DCAF1: variants seen among roughly 807,000 people sequenced by gnomAD.
DCAF1 encodes DDB1- and CUL4-associated factor 1.
A neutral mutation model predicts 128.0 loss-of-function variants in DCAF1; 15 were observed. The observed-to-expected ratio is 0.12, with a 90% CI of 0.08 to 0.18. The LOEUF is 0.18. Ranked by LOEUF, DCAF1 falls within the 10% of genes least tolerant of loss-of-function variation. DCAF1 has a pLI of 1.00. For missense variants in DCAF1, 988 were observed against 1,649.5 expected, an observed-to-expected ratio of 0.60 and a Z score of 6.95; for synonymous variants, 610 against 603.0, an observed-to-expected ratio of 1.01 and a Z score of -0.17.
intron 9 of DCAF1, chr3:51,437,367 G>C (rs1700946706): frequency 2.9e-6 from 1 of 343,620 alleles, no homozygotes; most frequent in African/African-American, 9.5e-5. Context: ...GAACATGGGA[G>C]GGCAAGTAAG....
At chr3:51,409,000 G>A (rs1553627578) in intron 23 of DCAF1, among the ~76,000 whole-genome samples, 1 of 152,164 alleles carries the variant, frequency 6.6e-6, no homozygotes, top group East Asian at 1.9e-4. Flanking sequence ...CTGGGCTCCA[G>A]AGCCACTCCT....
intron 2 of DCAF1, among the ~76,000 whole-genome samples, chr3:51,487,539 T>C (rs536343375): frequency 3.3e-4 from 51 of 152,378 alleles, no homozygotes; most frequent in Middle Eastern, 3.4e-3. Context: ...GTCTATCTAC[T>C]GTCCTCTGGT....
At chr3:51,466,042 T>A (rs1553646346) in intron 5 of DCAF1, among the ~76,000 whole-genome samples, 2 of 151,168 alleles carry the variant, frequency 1.3e-5, no homozygotes, top group Non-Finnish European at 2.9e-5. Context: ...CTACTAAACA[T>A]ACAAAAAAAT....
chr3:51,397,540 A>C (rs1186869658), downstream of DCAF1: 1 of 167,094 alleles, frequency 6.0e-6, no homozygotes, highest in African/African-American at 2.4e-5. Flanking sequence ...AGTTCTACCA[A>C]ATCTGTACTT....
rs1553634994 is a variant in DCAF1, at chr3:51,429,431, C to T, written c.1507G>A (p.Ala503Thr). Residue 503 changes from alanine (A) to threonine (T), a missense_variant, in exon 12 of 25, where the codon GCA becomes ACA. Coordinates refer to ENST00000684031, the MANE Select transcript of DCAF1 (RefSeq NM_001387579.1). The stretch of plus-strand genomic sequence containing the variant: ...AATATTTCATCATCACTCAGAAGTG[C>T]ACCCTGATCTTCCAAATTTAGAATC... ...LEILNLEDQG[A>T]LLSDDEIFAS... 1.3e-6 allele frequency: 1 copy of T among 780,870 alleles called. No homozygotes were observed. The highest frequency in any genetic ancestry group is 1.3e-5 in the South Asian group (1 of 74,624). The allele number at this position is 780,870 out of a possible 1,614,324, so 48.4% of individuals were successfully genotyped here.
chr3:51,420,154 G>A lies in DCAF1; in HGVS notation c.2816C>T (p.Pro939Leu), dbSNP rs562046576. 2.8e-5 allele frequency: 45 copies of A among 1,614,026 alleles called. 1 individual carries two copies. In the African/African-American group the frequency reaches 3.2e-4, roughly 11 times the overall value. The change falls in exon 15 of 25, where the codon CCG (proline) becomes CTG (leucine). Residue 939 changes from proline to leucine, a missense_variant. This residue lies in a region of DCAF1 where 88 missense variants were observed against 107.7 expected (regional missense o/e 0.82). Transcript: ENST00000684031. This position sits in a 1 kb window ranked among gnomAD's most constrained non-coding sequence, Gnocchi z 6.5. Reference protein sequence around the residue: ...AHPQPRPPQGPLALPGPSYAG... With the variant: ...AHPQPRPPQGLLALPGPSYAG... ...ATAAGATGGGCCGGGCAGAGCTAGCGGACCCTGGGGGGGCCGTGGCTGAGG... is the reference window on the plus strand; with the variant it reads ...ATAAGATGGGCCGGGCAGAGCTAGCAGACCCTGGGGGGGCCGTGGCTGAGG...
At chr3:51,498,395 G>A (rs547240366) in intron 1 of DCAF1, among the ~76,000 whole-genome samples, 1 of 148,534 alleles carries the variant, frequency 6.7e-6, no homozygotes, top group Non-Finnish European at 1.5e-5. Context: ...AAAAAAAAGA[G>A]TTATCACACC....
intron 3 of DCAF1, among the ~76,000 whole-genome samples, chr3:51,472,335 C>T (rs140191237): frequency 6.6e-6 from 1 of 152,320 alleles, no homozygotes; most frequent in African/African-American, 2.4e-5. Context: ...AACCGTTCAT[C>T]TGCTTTCTCT....
At position 51,445,987 on chromosome 3, in the gene DCAF1, TTC is replaced by T. The variant is rs1553640142; in HGVS notation, c.376-2086_376-2085del. Among the ~76,000 whole-genome samples, 5 of 149,136 alleles carry T rather than the reference TTC, an allele frequency of 3.4e-5. No individual in the cohort carries two copies. In the South Asian group the frequency reaches 1.1e-3, roughly 32 times the overall value. On this transcript the variant is annotated intron_variant, in intron 6 of 24. Coordinates refer to ENST00000684031, the MANE Select transcript of DCAF1 (RefSeq NM_001387579.1). ...GCCAGTGTCTTTTGCTAAACCTAAG[TTC>T]TTTTTTTTTTTTTTTTTTTTTCCAG... is the stretch of plus-strand genomic sequence containing the variant.
intron 6 of DCAF1, among the ~76,000 whole-genome samples, chr3:51,449,271 A>T (rs1702144850): frequency 6.6e-6 from 1 of 152,140 alleles, no homozygotes; most frequent in Non-Finnish European, 1.5e-5. Flanking sequence ...GCAATGGCAC[A>T]ATCTTGGCTC....
At chr3:51,439,733 T>C (rs953298744) in intron 9 of DCAF1, among the ~76,000 whole-genome samples, 2 of 152,232 alleles carry the variant, frequency 1.3e-5, no homozygotes, top group Non-Finnish European at 2.9e-5. Context: ...GGCTCACTCC[T>C]GTAATCCCTA....
intron 23 of DCAF1, among the ~76,000 whole-genome samples, chr3:51,409,221 G>A (rs375688094): frequency 3.7e-4 from 57 of 152,330 alleles, no homozygotes; most frequent in African/African-American, 1.3e-3. Flanking sequence ...GAGAGAGTGG[G>A]ATAAGAGGAG....
At chr3:51,425,300 G>A (rs377568793) in intron 13 of DCAF1, among the ~76,000 whole-genome samples, 4 of 151,816 alleles carry the variant, frequency 2.6e-5, no homozygotes, top group African/African-American at 7.3e-5. Flanking sequence ...GCAAAACCCC[G>A]TCTCTACTAA....
At chr3:51,470,862 C>T (rs1704655261) in intron 4 of DCAF1, 67 bp downstream of exon 4, 4 of 1,185,646 alleles carry the variant, frequency 3.4e-6, no homozygotes, top group Non-Finnish European at 4.7e-6. Context: ...AAAAAAAAGA[C>T]CCTCGCTTTA....
At chr3:51,448,918 T>G (rs1386466705) in intron 6 of DCAF1, among the ~76,000 whole-genome samples, 1 of 149,232 alleles carries the variant, frequency 6.7e-6, no homozygotes, top group Non-Finnish European at 1.5e-5. Context: ...TTCTTTTATG[T>G]TTTTTTTTTC....
intron 5 of DCAF1, among the ~76,000 whole-genome samples, chr3:51,464,044 G>A (rs1577233347): frequency 1.3e-5 from 2 of 151,852 alleles, no homozygotes; most frequent in Non-Finnish European, 2.9e-5. Context: ...TAGTAGAGAC[G>A]GGGCCTCATT....
chr3:51,464,764 C>T (rs755334783), intron 5 of DCAF1, among the ~76,000 whole-genome samples: 1 of 151,788 alleles, frequency 6.6e-6, no homozygotes, highest in Admixed American at 6.6e-5. Flanking sequence ...ACCGAAGCCC[C>T]TAGGAGGGCA....
At chr3:51,413,578 T>C (rs1375363115) in intron 20 of DCAF1, among the ~76,000 whole-genome samples, 192 bp from the exon 21 acceptor site, 1 of 152,226 alleles carries the variant, frequency 6.6e-6, no homozygotes, top group Admixed American at 6.5e-5. Context: ...ATCCCACCTA[T>C]TGTGACAAAT....
intron 6 of DCAF1, among the ~76,000 whole-genome samples, chr3:51,446,976 A>AATAATAATAATG (rs1425752342): frequency 6.8e-6 from 1 of 146,662 alleles, no homozygotes; most frequent in Non-Finnish European, 1.5e-5. Context: ...TAATAATAAT[A>AATAATAATAATG]ATAATAATAA....
Sources: allele counts gnomAD v4.1 joint callset (sites outside exome capture counted in the v4.1 genomes callset), GRCh38; gene constraint gnomAD v4.1.1; regional missense constraint gnomAD v4.1.1; non-coding constraint Gnocchi (gnomAD v3.1); transcripts MANE v1.5; gene names NCBI Gene and HGNC (gene_info 2026-07-23, HGNC 2026-07-21).